STXBP6: variants seen among roughly 807,000 people sequenced by gnomAD.
STXBP6 encodes the protein syntaxin binding protein 6.
A neutral mutation model predicts 26.9 loss-of-function variants in STXBP6; 21 were observed. The ratio of observed to expected loss-of-function variants is 0.78; its 90% CI spans 0.55 to 1.12. The LOEUF (loss-of-function observed/expected upper bound fraction) is 1.12. Ranked by LOEUF, STXBP6 falls within the 50% of genes most tolerant of loss-of-function variation. STXBP6 has a pLI of 0.00. For synonymous variants in STXBP6, 97 were observed against 92.6 expected, an observed-to-expected ratio of 1.05 and a Z score of -0.27; for missense variants, 232 against 257.9, an observed-to-expected ratio of 0.90 and a Z score of 0.69.
intron 2 of STXBP6, among the ~76,000 whole-genome samples, chr14:24,900,614 A>G (rs1350491667): frequency 3.3e-5 from 5 of 152,342 alleles, no homozygotes; most frequent in African/African-American, 1.2e-4. Flanking sequence ...AAAGTTCTAC[A>G]AAATTATTCC....
intron 4 of STXBP6, among the ~76,000 whole-genome samples, chr14:24,836,569 A>G (rs1326317207): frequency 1.5e-5 from 2 of 129,112 alleles, no homozygotes; most frequent in Non-Finnish European, 3.1e-5. Context: ...ACTGCACTCT[A>G]GCTTGCCAGC....
intron 4 of STXBP6, among the ~76,000 whole-genome samples, chr14:24,823,897 A>G (rs1402755843): frequency 2.0e-5 from 3 of 152,240 alleles, no homozygotes; most frequent in Admixed American, 6.5e-5. Context: ...GGCCAGGAAC[A>G]TTAGTGACTC....
At chr14:24,994,479 C>G (rs1168362244) in intron 1 of STXBP6, among the ~76,000 whole-genome samples, 1 of 152,202 alleles carries the variant, frequency 6.6e-6, no homozygotes, top group East Asian at 1.9e-4. Flanking sequence ...CTTCACAAAG[C>G]TATTTCCCCA....
chr14:24,850,371 A>T (rs2069107296), intron 4 of STXBP6, among the ~76,000 whole-genome samples: 1 of 152,070 alleles, frequency 6.6e-6, no homozygotes, highest in South Asian at 2.1e-4. Context: ...AGAGCTCTGA[A>T]GTCTGGGCTT....
chr14:24,956,388 C>T (rs984088143), intron 2 of STXBP6, among the ~76,000 whole-genome samples: 6 of 152,112 alleles, frequency 3.9e-5, no homozygotes, highest in Non-Finnish European at 8.8e-5. Flanking sequence ...GCTTGTAAAG[C>T]TTTTAATGGT....
At chr14:24,971,879 T>C (rs1205324514) in intron 2 of STXBP6, among the ~76,000 whole-genome samples, 1 of 152,242 alleles carries the variant, frequency 6.6e-6, no homozygotes, top group Non-Finnish European at 1.5e-5. Flanking sequence ...ATGCATGAAT[T>C]CTTTTCATAG....
chr14:25,017,057 C>T (rs1431154990), intron 1 of STXBP6, among the ~76,000 whole-genome samples: 1 of 152,178 alleles, frequency 6.6e-6, no homozygotes, highest in Non-Finnish European at 1.5e-5. Context: ...ACCTGGTCAA[C>T]TAGATGCCAG....
intron 2 of STXBP6, among the ~76,000 whole-genome samples, chr14:24,935,733 T>C (rs2072571543): frequency 6.6e-6 from 1 of 152,240 alleles, no homozygotes; most frequent in South Asian, 2.1e-4. Flanking sequence ...AATACAATTA[T>C]ACTAGATTGC....
At chr14:24,904,656 A>G (rs566040048) in intron 2 of STXBP6, among the ~76,000 whole-genome samples, 14 of 152,274 alleles carry the variant, frequency 9.2e-5, no homozygotes, top group African/African-American at 3.1e-4. Context: ...AGGGAAAGAT[A>G]CCAGGAGTGC....
chr14:24,897,731 G>A (rs2071049188), intron 2 of STXBP6, among the ~76,000 whole-genome samples: 2 of 152,182 alleles, frequency 1.3e-5, no homozygotes, highest in Non-Finnish European at 2.9e-5. Context: ...GGCTCTTGAT[G>A]TTTTAAAAGT....
chr14:25,009,591 C>T (rs2074984885), intron 1 of STXBP6, among the ~76,000 whole-genome samples: 2 of 152,154 alleles, frequency 1.3e-5, no homozygotes, highest in African/African-American at 2.4e-5. Flanking sequence ...AGGAGCACGC[C>T]ATCGCCACAA....
intron 1 of STXBP6, among the ~76,000 whole-genome samples, chr14:25,023,536 C>A (rs975351192): frequency 1.8e-4 from 27 of 152,016 alleles, no homozygotes; most frequent in African/African-American, 6.5e-4. Context: ...TGTGGCTGGG[C>A]GGTGGCTCAT....
At chr14:24,909,897 A>T (rs894852015) in intron 2 of STXBP6, among the ~76,000 whole-genome samples, 2 of 151,732 alleles carry the variant, frequency 1.3e-5, no homozygotes, top group Non-Finnish European at 2.9e-5. Context: ...GAGATATGCT[A>T]GACCTGGCCC....
chr14:24,973,598 C>T (rs1441247922), intron 2 of STXBP6, among the ~76,000 whole-genome samples: 1 of 151,964 alleles, frequency 6.6e-6, no homozygotes, highest in Admixed American at 6.5e-5. Flanking sequence ...GTTGGCCAGG[C>T]TGGTCTTGAA....
intron 2 of STXBP6, among the ~76,000 whole-genome samples, chr14:24,872,200 A>G (rs1224198100): frequency 6.6e-6 from 1 of 152,240 alleles, no homozygotes; most frequent in South Asian, 2.1e-4. Context: ...AGTATGAATA[A>G]GAAATCCAAA....
At chr14:24,970,781 A>G (rs2073884960) in intron 2 of STXBP6, among the ~76,000 whole-genome samples, 1 of 152,186 alleles carries the variant, frequency 6.6e-6, no homozygotes, top group Non-Finnish European at 1.5e-5. Flanking sequence ...AAAACTGCCA[A>G]GTTGTTTACT....
chr14:24,875,669 A>G (rs1359653823), intron 2 of STXBP6, among the ~76,000 whole-genome samples: 1 of 152,236 alleles, frequency 6.6e-6, no homozygotes, highest in Non-Finnish European at 1.5e-5. Flanking sequence ...TAAATTTTCT[A>G]TTTCACTTAA....
chr14:24,905,202 G>A (rs2071346493), intron 2 of STXBP6, among the ~76,000 whole-genome samples: 1 of 152,126 alleles, frequency 6.6e-6, no homozygotes, highest in African/African-American at 2.4e-5. Flanking sequence ...CTTTTGGGCT[G>A]TTTATTCCAA....
chr14:24,890,958 A>T (rs1038553802), intron 2 of STXBP6, among the ~76,000 whole-genome samples: 1 of 152,202 alleles, frequency 6.6e-6, no homozygotes, highest in Non-Finnish European at 1.5e-5. Flanking sequence ...TCAACAGGCA[A>T]GTTGTTTGTG....
Sources: allele counts gnomAD v4.1 joint callset (sites outside exome capture counted in the v4.1 genomes callset), GRCh38; gene constraint gnomAD v4.1.1; transcripts MANE v1.5; gene names NCBI Gene and HGNC (gene_info 2026-07-23, HGNC 2026-07-21).